The following TRDN variants were observed in gnomAD, a reference collection of about 807,000 sequenced individuals.
TRDN encodes triadin.
TRDN carries 161 observed loss-of-function variants against 149.7 expected under a neutral mutation model. The observed-to-expected ratio is 1.08, with a 90% CI of 0.95 to 1.23. The LOEUF is 1.23. Ranked by LOEUF, TRDN falls within the 50% of genes most tolerant of loss-of-function variation. TRDN has a pLI of 0.00. For synonymous variants in TRDN, 294 were observed against 250.5 expected, an observed-to-expected ratio of 1.17 and a Z score of -1.64; for missense variants, 896 against 823.5, an observed-to-expected ratio of 1.09 and a Z score of -1.08.
chr6:123,393,571 T>C (rs1285868226), intron 13 of TRDN, 53 bp downstream of exon 13: 12 of 1,509,910 alleles, frequency 7.9e-6, no homozygotes, highest in Non-Finnish European at 1.1e-5. Flanking sequence ...GTCAATAAAG[T>C]GCTATAGATG....
chr6:123,463,382 A>AATAT (rs1391689451), intron 10 of TRDN, among the ~76,000 whole-genome samples: 1 of 151,226 alleles, frequency 6.6e-6, no homozygotes, highest in Non-Finnish European at 1.5e-5. Flanking sequence ...TAAATAAATA[A>AATAT]ATAAATACAA....
At chr6:123,243,110 A>T (rs991881710) in intron 38 of TRDN, among the ~76,000 whole-genome samples, 5 of 152,276 alleles carry the variant, frequency 3.3e-5, no homozygotes, top group Admixed American at 3.3e-4. Context: ...TTGCTACAGA[A>T]CCAAGGTGCA....
Position 123,570,975 on chromosome 6 carries a change from C to T in TRDN, c.180G>A (p.Trp60Ter). 6.2e-7 allele frequency: 1 copy of T among 1,613,938 alleles called. No homozygotes were observed. The highest frequency in any genetic ancestry group is 8.5e-7 in the Non-Finnish European group (1 of 1,179,858). Residue 60 changes from tryptophan (W) to a stop codon, truncating the protein, a stop_gained, in exon 2 of 41, where the codon TGG becomes TGA. Coordinates refer to ENST00000334268, the MANE Select transcript of TRDN (RefSeq NM_006073.4). LOFTEE classifies it high-confidence loss of function. ...CAAACATAACGATGGCAACAGCTGA[C>T]CACGTGATTATCAGGGCAATGACCA... The part of the protein sequence containing the change: ...WLLVIALIIT[W>*]SAVAIVMFDL...
At chr6:123,474,416 ATTC>A (rs1777354290) in intron 9 of TRDN, among the ~76,000 whole-genome samples, 1 of 152,134 alleles carries the variant, frequency 6.6e-6, no homozygotes, top group South Asian at 2.1e-4. Context: ...GAGTACCAAG[ATTC>A]ATAAAGCAAG....
intron 12 of TRDN, among the ~76,000 whole-genome samples, chr6:123,426,042 G>A (rs573913251): frequency 7.2e-5 from 11 of 152,150 alleles, no homozygotes; most frequent in Non-Finnish European, 1.6e-4. Flanking sequence ...TTAGTTAGCA[G>A]GTGGGGAAGG....
At chr6:123,301,315 A>C (rs185260491) in intron 24 of TRDN, among the ~76,000 whole-genome samples, 2 of 151,996 alleles carry the variant, frequency 1.3e-5, no homozygotes, top group African/African-American at 2.4e-5. Flanking sequence ...TTGAAGTAAA[A>C]GATAACTATC....
At chr6:123,329,064 T>C (rs1360161809) in intron 23 of TRDN, among the ~76,000 whole-genome samples, 1 of 152,114 alleles carries the variant, frequency 6.6e-6, no homozygotes, top group Non-Finnish European at 1.5e-5. Context: ...ATCTTGAAAA[T>C]GCACTTCCAT....
At chr6:123,231,262 A>G (rs1430433882) in intron 38 of TRDN, among the ~76,000 whole-genome samples, 2 of 152,014 alleles carry the variant, frequency 1.3e-5, no homozygotes, top group Non-Finnish European at 2.9e-5. Context: ...AATAGAAGGG[A>G]CTCTGAAGTA....
intron 1 of TRDN, among the ~76,000 whole-genome samples, chr6:123,572,738 A>G (rs2114545006): frequency 6.6e-6 from 1 of 152,252 alleles, no homozygotes; most frequent in South Asian, 2.1e-4. Flanking sequence ...TAAAATACAG[A>G]CCATATTGTC....
Position 123,218,722 on chromosome 6 carries a change from T to C in TRDN, c.2069A>G (p.Gln690Arg), listed in dbSNP as rs1181448963. The change falls in exon 41 of 41, where the codon CAG becomes CGG. Residue 690 changes from glutamine to arginine, a missense_variant. Physicochemically the swap from Gln to Arg is conservative, Grantham distance 43 (BLOSUM62 1). Transcript: ENST00000334268. ...ATTGTACCCATCCAAGTAGACACAC[T>C]GGAAGAAACTGATGGGACCTAAGGA... Reference protein sequence around the residue: ...TKQKSPISFFQCVYLDGYNGY... With the variant: ...TKQKSPISFFRCVYLDGYNGY... 1 of 1,576,304 alleles carries C rather than the reference T, an allele frequency of 6.3e-7. No individual in the cohort carries two copies. The highest frequency in any genetic ancestry group is 1.1e-5 in the South Asian group (1 of 87,242).
At chr6:123,503,593 C>A in intron 8 of TRDN, 126 bp downstream of exon 8, 7 of 1,489,204 alleles carry the variant, frequency 4.7e-6, no homozygotes, top group Non-Finnish European at 1.8e-6. Context: ...GATATATTTA[C>A]TTTAATGTCT....
At chr6:123,447,961 A>G (rs897401785) in intron 10 of TRDN, among the ~76,000 whole-genome samples, 1 of 152,100 alleles carries the variant, frequency 6.6e-6, no homozygotes, top group African/African-American at 2.4e-5. Context: ...TCTCCCGAAT[A>G]CACACCCCCA....
At chr6:123,282,711 G>A (rs1241611239) in intron 24 of TRDN, among the ~76,000 whole-genome samples, 1 of 147,730 alleles carries the variant, frequency 6.8e-6, no homozygotes, top group Non-Finnish European at 1.5e-5. Flanking sequence ...GCTTAATTAT[G>A]TCACAGAAAC....
intron 24 of TRDN, among the ~76,000 whole-genome samples, chr6:123,283,238 A>C (rs1381165953): frequency 6.6e-6 from 1 of 152,022 alleles, no homozygotes; most frequent in Non-Finnish European, 1.5e-5. Flanking sequence ...AATGAAATCA[A>C]GATGGACATT....
chr6:123,549,560 A>G (rs2114442192), intron 2 of TRDN, among the ~76,000 whole-genome samples: 1 of 152,208 alleles, frequency 6.6e-6, no homozygotes, highest in East Asian at 1.9e-4. Context: ...ATATCAATGT[A>G]TTATACTACC....
intron 1 of TRDN, among the ~76,000 whole-genome samples, chr6:123,629,486 A>G (rs1785859565): frequency 6.6e-6 from 1 of 152,146 alleles, no homozygotes; most frequent in Admixed American, 6.6e-5. Flanking sequence ...TGTCTAAATG[A>G]AACCAAGTTT....
intron 24 of TRDN, among the ~76,000 whole-genome samples, chr6:123,286,602 C>G (rs1411604980): frequency 6.6e-6 from 1 of 151,854 alleles, no homozygotes; most frequent in African/African-American, 2.4e-5. Context: ...ATAAGTGCAC[C>G]AAAATCTCAC....
At chr6:123,604,890 G>A (rs905189966) in intron 1 of TRDN, among the ~76,000 whole-genome samples, 2 of 151,982 alleles carry the variant, frequency 1.3e-5, no homozygotes, top group South Asian at 4.2e-4. Flanking sequence ...AGTTTGCTGG[G>A]GAAAATTATG....
chr6:123,428,262 G>A lies in TRDN; in HGVS notation c.1051+9801C>T, dbSNP rs943529304. 5.9e-5 allele frequency among the ~76,000 whole-genome samples: 9 copies of A among 152,216 alleles called. No individual in the cohort carries two copies. In the East Asian group the frequency reaches 1.7e-3, roughly 29 times the overall value. ...ATTATTCTTTCACCCACACCACAAAGGTTAGTTCAGGAATGGGCCTATGAA... is the reference window on the plus strand; with the variant it reads ...ATTATTCTTTCACCCACACCACAAAAGTTAGTTCAGGAATGGGCCTATGAA... On this transcript the variant is annotated intron_variant, in intron 12 of 40. Coordinates refer to ENST00000334268, the MANE Select transcript of TRDN (RefSeq NM_006073.4).
Sources: allele counts gnomAD v4.1 joint callset (sites outside exome capture counted in the v4.1 genomes callset), GRCh38; gene constraint gnomAD v4.1.1; transcripts MANE v1.5; gene names NCBI Gene and HGNC (gene_info 2026-07-23, HGNC 2026-07-21).